The following MKNK1 variants were observed in gnomAD, a reference collection of about 807,000 sequenced individuals.
The protein encoded by MKNK1 is MAP kinase-interacting serine/threonine-protein kinase 1.
MKNK1 carries 30 observed loss-of-function variants against 49.3 expected under a neutral mutation model. That is an observed-to-expected ratio of 0.61 (90% CI 0.46 to 0.83). MKNK1 has a LOEUF of 0.83. MKNK1 is among the 40% of genes least tolerant of loss of function. The pLI, the probability that MKNK1 is intolerant of heterozygous loss-of-function variation, is 0.00. For missense variants in MKNK1, 423 were observed against 524.7 expected, an observed-to-expected ratio of 0.81 and a Z score of 1.89; for synonymous variants, 176 against 201.7, an observed-to-expected ratio of 0.87 and a Z score of 1.08.
intron 2 of MKNK1, among the ~76,000 whole-genome samples, chr1:46,591,554 A>T (rs1267421205): frequency 1.3e-5 from 2 of 152,112 alleles, no homozygotes; most frequent in Non-Finnish European, 2.9e-5. Flanking sequence ...AGAAAGAGCA[A>T]GCAGGAGGAA....
Position 46,583,208 on chromosome 1 carries a change from A to G in MKNK1, c.100+20T>C. 6.2e-7 allele frequency: 1 copy of G among 1,601,854 alleles called. No individual in the cohort carries two copies. The highest frequency in any genetic ancestry group is 8.5e-7 in the Non-Finnish European group (1 of 1,169,790). ...CTTGGGAAGCTGCAGGCCCAGATAT[A>G]GGGAAGTTGTGTGACCAACCTTCAA... On this transcript the variant is annotated intron_variant, in intron 3 of 12. Transcript: ENST00000371945.
chr1:46,572,741 A>T (rs1670384134), intron 6 of MKNK1, among the ~76,000 whole-genome samples: 1 of 152,154 alleles, frequency 6.6e-6, no homozygotes, highest in African/African-American at 2.4e-5. Flanking sequence ...TAGGGCCAAA[A>T]AACACTAATG....
intron 1 of MKNK1, among the ~76,000 whole-genome samples, 194 bp from the exon 2 acceptor site, chr1:46,594,474 T>C (rs554300475): frequency 6.6e-6 from 1 of 152,270 alleles, no homozygotes. Context: ...TAGAGTCTTG[T>C]TATGTTGCCC....
At chr1:46,580,653 T>G in intron 3 of MKNK1, 26 bp from the exon 4 acceptor site, 7 of 1,516,310 alleles carry the variant, frequency 4.6e-6, no homozygotes, top group East Asian at 2.3e-5. Context: ...ATGAGAGGAA[T>G]AACAAGATGA....
intron 10 of MKNK1, among the ~76,000 whole-genome samples, chr1:46,562,377 CAGAG>C (rs1293651698): frequency 9.4e-6 from 1 of 106,560 alleles, no homozygotes; most frequent in Non-Finnish European, 1.7e-5. Context: ...GCCTGGGCGA[CAGAG>C]AGAGACTCCA....
In MKNK1 at chr1:46,594,280, C is replaced by G. The variant is rs1298505144; in HGVS notation, c.-170G>C. The G allele has an allele frequency of 1.4e-6, 1 of 739,456 alleles. No individual in the cohort carries two copies. The highest frequency in any genetic ancestry group is 2.5e-5 in the East Asian group (1 of 39,906). 45.8% of individuals were successfully genotyped at this position (739,456 alleles called of 1,614,324 possible). A position where few individuals can be genotyped will look rare whatever the true frequency, so the allele number is the denominator to read the frequency against. The stretch of plus-strand genomic sequence containing the variant: ...TCTCCATCGGCCTCTGACATGGAAA[C>G]CTTGAAAAAGCAGAAATAGAAAGGA... On this transcript the variant is annotated splice_region_variant and 5_prime_UTR_variant, in exon 2 of 13. Transcript: ENST00000371945.
chr1:46,577,698 C>G (rs952973230), intron 4 of MKNK1, among the ~76,000 whole-genome samples: 1 of 152,170 alleles, frequency 6.6e-6, no homozygotes, highest in Admixed American at 6.5e-5. Flanking sequence ...GGCTGCTCCC[C>G]CTCCACACTT....
intron 2 of MKNK1, among the ~76,000 whole-genome samples, chr1:46,592,191 G>C (rs990402780): frequency 1.3e-5 from 2 of 152,192 alleles, no homozygotes; most frequent in African/African-American, 4.8e-5. Context: ...AGTGAGCCGA[G>C]GTCATGCTGT....
At chr1:46,567,223 G>A (rs1433913438) in intron 8 of MKNK1, among the ~76,000 whole-genome samples, 11 of 152,170 alleles carry the variant, frequency 7.2e-5, no homozygotes, top group African/African-American at 1.2e-4. Context: ...GATTATAGGC[G>A]TGAGCCACTG....
intron 5 of MKNK1, 79 bp from the exon 6 acceptor site, chr1:46,575,099 T>A: frequency 2.1e-6 from 2 of 939,188 alleles, no homozygotes; most frequent in Admixed American, 2.7e-5. Context: ...AAATATACAA[T>A]GAAAAAAATA....
chr1:46,602,021 A>C (rs1674793162), intron 1 of MKNK1, among the ~76,000 whole-genome samples: 1 of 152,222 alleles, frequency 6.6e-6, no homozygotes, highest in African/African-American at 2.4e-5. Context: ...ATGAGATGTA[A>C]GAGATGTAAG....
intron 1 of MKNK1, among the ~76,000 whole-genome samples, chr1:46,596,696 C>T (rs1674108500): frequency 6.6e-6 from 1 of 152,128 alleles, no homozygotes. Flanking sequence ...GTTGTCATGG[C>T]AATTAAGTGA....
chr1:46,603,843 C>T (rs1675052375), intron 1 of MKNK1, among the ~76,000 whole-genome samples: 1 of 152,220 alleles, frequency 6.6e-6, no homozygotes, highest in Admixed American at 6.5e-5. Context: ...ACAGATTTCA[C>T]AAATTCCTCA....
Position 46,583,308 on chromosome 1 carries a change from A to T in MKNK1, c.20T>A (p.Leu7His), listed in dbSNP as rs1672019783. 5.0e-6 allele frequency: 8 copies of T among 1,613,882 alleles called. No homozygotes were observed. The Middle Eastern group carries it at 1.3e-3, about 266-fold the overall frequency. Residue 7 changes from leucine (L) to histidine (H), a missense_variant, in exon 3 of 13, where the codon CTT (leucine) becomes CAT (histidine). By Grantham distance (99) the Leu-to-His change is moderately conservative (BLOSUM62 -3). Transcript: ENST00000371945. ...CCTCCTGTCACCATCTGCGATGGGAAGGGGTTCGCTACTGCCCATCTCTAG... is the reference window on the plus strand; with the variant it reads ...CCTCCTGTCACCATCTGCGATGGGATGGGGTTCGCTACTGCCCATCTCTAG... MGSSEPLPIADGDRRRK... is the reference protein window; with the variant it reads MGSSEPHPIADGDRRRK...
chr1:46,563,271 G>A (rs1668371070), intron 9 of MKNK1, among the ~76,000 whole-genome samples: 1 of 152,192 alleles, frequency 6.6e-6, no homozygotes, highest in Non-Finnish European at 1.5e-5. Context: ...CTAGCTCAGA[G>A]CAGGAAGTGT....
chr1:46,572,242 C>A, intron 6 of MKNK1, 75 bp from the exon 7 acceptor site: 3 of 1,266,832 alleles, frequency 2.4e-6, no homozygotes, highest in Non-Finnish European at 3.4e-6. Flanking sequence ...TAGACGAAGT[C>A]TCACTCTGTT....
At chr1:46,600,451 C>T (rs911168683) in intron 1 of MKNK1, among the ~76,000 whole-genome samples, 26 of 152,336 alleles carry the variant, frequency 1.7e-4, no homozygotes, top group African/African-American at 5.8e-4. Flanking sequence ...TACTGCCTAA[C>T]TTGATAAATA....
chr1:46,588,214 G>A (rs1244056166), intron 2 of MKNK1, among the ~76,000 whole-genome samples: 1 of 152,130 alleles, frequency 6.6e-6, no homozygotes, highest in Non-Finnish European at 1.5e-5. Context: ...ATGTGATGGG[G>A]TGATTTTTAT....
chr1:46,564,136 T>C (rs1407072078), intron 9 of MKNK1, among the ~76,000 whole-genome samples: 1 of 151,362 alleles, frequency 6.6e-6, no homozygotes, highest in Non-Finnish European at 1.5e-5. Context: ...CTATTAGTTA[T>C]ACAAGAGATG....
Sources: allele counts gnomAD v4.1 joint callset (sites outside exome capture counted in the v4.1 genomes callset), GRCh38; gene constraint gnomAD v4.1.1; transcripts MANE v1.5; gene names NCBI Gene and HGNC (gene_info 2026-07-23, HGNC 2026-07-21).